The following GPM6A variants were observed in gnomAD, a reference collection of about 807,000 sequenced individuals.
GPM6A encodes the protein neuronal membrane glycoprotein M6-a.
Under a neutral mutation model 32.1 loss-of-function variants are expected in GPM6A, and 7 were observed. The observed-to-expected ratio is 0.22, with a 90% CI of 0.12 to 0.41. The LOEUF is 0.41. Ranked by LOEUF, GPM6A falls within the 10% of genes least tolerant of loss-of-function variation. GPM6A has a pLI of 1.00. For synonymous variants in GPM6A, 130 were observed against 123.4 expected, an observed-to-expected ratio of 1.05 and a Z score of -0.35; for missense variants, 235 against 347.2, an observed-to-expected ratio of 0.68 and a Z score of 2.57.
chr4:175,862,680 T>C (rs576901587), intron 1 of GPM6A, among the ~76,000 whole-genome samples: 10 of 152,228 alleles, frequency 6.6e-5, no homozygotes, highest in African/African-American at 2.4e-4. Context: ...TAAATCCCCA[T>C]CAGTATTACA....
chr4:175,703,532 T>C (rs539635346), intron 1 of GPM6A, among the ~76,000 whole-genome samples: 1 of 152,308 alleles, frequency 6.6e-6, no homozygotes, highest in East Asian at 1.9e-4. Context: ...AAAAATTCTT[T>C]GGCCATCATG....
chr4:175,662,381 C>A (rs1048905815), intron 3 of GPM6A, among the ~76,000 whole-genome samples: 32 of 152,128 alleles, frequency 2.1e-4, no homozygotes, highest in Non-Finnish European at 2.1e-4. Flanking sequence ...GGGTGGATCA[C>A]CTGAGGTCAG....
rs559779898 is a variant in GPM6A at position 175,777,787 on chromosome 4, T to C, written c.37+34404A>G. Among the ~76,000 whole-genome samples, 6 of 152,292 alleles carry C rather than the reference T, an allele frequency of 3.9e-5. No homozygotes were observed. The East Asian group carries it at 1.2e-3, about 29-fold the overall frequency. On this transcript the variant is annotated intron_variant, in intron 1 of 6. Coordinates refer to ENST00000393658, the MANE Select transcript of GPM6A (RefSeq NM_201591.3). ...AGAAATCAACAATGTGCCCAATATG[T>C]TATCTATAGGTTATGAAGACCATAG...
intron 1 of GPM6A, among the ~76,000 whole-genome samples, chr4:175,894,189 C>A (rs1737727574): frequency 6.6e-6 from 1 of 151,994 alleles, no homozygotes; most frequent in Non-Finnish European, 1.5e-5. Context: ...GATAAGATAG[C>A]AGACCGTCCT....
At chr4:175,637,885 T>TTA (rs137911086) in intron 6 of GPM6A, among the ~76,000 whole-genome samples, 16,711 of 122,732 alleles carry the variant, frequency 0.14, 2,247 homozygotes, top group African/African-American at 0.35. Context: ...TATTTATATA[T>TTA]TATATATATA....
At chr4:175,682,260 T>C (rs1175453031) in intron 2 of GPM6A, among the ~76,000 whole-genome samples, 2 of 152,172 alleles carry the variant, frequency 1.3e-5, no homozygotes, top group Non-Finnish European at 1.5e-5. Flanking sequence ...AGTATTTGCA[T>C]GGGTGCTTCT....
chr4:175,685,044 C>G (rs538026599), intron 2 of GPM6A, among the ~76,000 whole-genome samples: 1 of 152,140 alleles, frequency 6.6e-6, no homozygotes, highest in Admixed American at 6.5e-5. Context: ...CCCACCACCA[C>G]GCCCGGCTAA....
intron 1 of GPM6A, among the ~76,000 whole-genome samples, chr4:175,985,087 T>C (rs1174599082): frequency 6.6e-6 from 1 of 152,222 alleles, no homozygotes; most frequent in African/African-American, 2.4e-5. Context: ...ATAGAACATC[T>C]CTTTTCCTTA....
chr4:175,668,958 G>C (rs902095178), intron 3 of GPM6A, among the ~76,000 whole-genome samples: 1 of 152,130 alleles, frequency 6.6e-6, no homozygotes, highest in Admixed American at 6.5e-5. Flanking sequence ...TGTGCCAGAT[G>C]CTTGAATTCA....
At chr4:175,760,937 T>C (rs1214560303) in intron 1 of GPM6A, among the ~76,000 whole-genome samples, 4 of 152,186 alleles carry the variant, frequency 2.6e-5, no homozygotes, top group Admixed American at 6.6e-5. Context: ...CTAACAATTA[T>C]TGAAATTGTA....
intron 1 of GPM6A, among the ~76,000 whole-genome samples, chr4:175,924,000 C>T (rs563751143): frequency 1.0e-3 from 157 of 152,198 alleles, no homozygotes; most frequent in African/African-American, 3.6e-3. Context: ...TAGTCCTATT[C>T]GAGTATTTGT....
intron 1 of GPM6A, among the ~76,000 whole-genome samples, chr4:175,795,107 C>G (rs764523379): frequency 6.6e-6 from 1 of 152,024 alleles, no homozygotes; most frequent in African/African-American, 2.4e-5. Context: ...ATTTGATAAC[C>G]CATTAAATAT....
At chr4:175,640,882 A>AG in intron 4 of GPM6A, 53 bp from the exon 5 acceptor site, 1 of 1,160,724 alleles carries the variant, frequency 8.6e-7, no homozygotes, top group Non-Finnish European at 1.3e-6. Context: ...TGAAGAGCCA[A>AG]GAGAGAAAAA....
At chr4:175,990,680 C>T (rs1387128053) in intron 1 of GPM6A, among the ~76,000 whole-genome samples, 1 of 149,394 alleles carries the variant, frequency 6.7e-6, no homozygotes, top group Non-Finnish European at 1.5e-5. Flanking sequence ...GGTTGGTGGT[C>T]CTACAAACAA....
chr4:175,910,774 C>A (rs1312778492), intron 1 of GPM6A, among the ~76,000 whole-genome samples: 1 of 152,126 alleles, frequency 6.6e-6, no homozygotes, highest in East Asian at 1.9e-4. Context: ...CGGAGTTCAA[C>A]AACTTTTTCT....
chr4:175,903,627 T>C (rs1441569607), intron 1 of GPM6A, among the ~76,000 whole-genome samples: 1 of 152,190 alleles, frequency 6.6e-6, no homozygotes, highest in Non-Finnish European at 1.5e-5. Flanking sequence ...CATGTGTTCC[T>C]GTGGTATTCC....
chr4:175,707,551 T>C (rs578053664), intron 1 of GPM6A, among the ~76,000 whole-genome samples: 33 of 152,348 alleles, frequency 2.2e-4, no homozygotes, highest in Admixed American at 7.2e-4. Context: ...AATTCTTTCA[T>C]TGATTCTGTG....
At chr4:175,984,319 C>T (rs557650427) in intron 1 of GPM6A, among the ~76,000 whole-genome samples, 8 of 152,012 alleles carry the variant, frequency 5.3e-5, no homozygotes, top group South Asian at 2.1e-4. Context: ...CGTTCCACCA[C>T]GCCCGGCTAA....
intron 1 of GPM6A, among the ~76,000 whole-genome samples, chr4:175,774,923 T>C (rs1176200252): frequency 6.6e-6 from 1 of 151,998 alleles, no homozygotes; most frequent in Non-Finnish European, 1.5e-5. Flanking sequence ...TTTAAAGAAT[T>C]TCCATAAAAT....
Sources: gnomAD v4.1 joint callset for allele counts (sites outside exome capture counted in the v4.1 genomes callset) on GRCh38, gnomAD v4.1.1 for gene constraint, MANE v1.5 for transcripts, NCBI Gene and HGNC (gene_info 2026-07-23, HGNC 2026-07-21) for gene names.